NUP93: variants seen among roughly 807,000 people sequenced by gnomAD.
The protein encoded by NUP93 is nucleoporin 93.
In NUP93, 55 loss-of-function variants were observed where a neutral mutation model predicts 107.8. The ratio of observed to expected loss-of-function variants is 0.51; its 90% CI spans 0.41 to 0.64. The LOEUF is 0.64. Ranked by LOEUF, NUP93 falls within the 30% of genes least tolerant of loss-of-function variation. The pLI is 0.00. For missense variants in NUP93, 937 were observed against 1,044.7 expected, an observed-to-expected ratio of 0.90 and a Z score of 1.42; for synonymous variants, 390 against 397.5, an observed-to-expected ratio of 0.98 and a Z score of 0.22.
chr16:56,818,837 C>T (rs1963488010), intron 6 of NUP93, 99 bp downstream of exon 6: 1 of 977,386 alleles, frequency 1.0e-6, no homozygotes, highest in South Asian at 1.5e-5. Flanking sequence ...ACCCTGAAAG[C>T]AAGTTGTATT....
At chr16:56,815,865 A>ACTGCTGCTGCTGCTGCTGCTGCTGCTG (rs59958027) in intron 5 of NUP93, among the ~76,000 whole-genome samples, 3 of 146,968 alleles carry the variant, frequency 2.0e-5, no homozygotes, top group African/African-American at 7.6e-5. Context: ...TACTACTGCT[A>ACTGCTGCTGCTGCTGCTGCTGCTGCTG]CTGCTGCTGC....
chr16:56,765,846 A>T (rs576981753), intron 3 of NUP93, among the ~76,000 whole-genome samples: 2 of 152,370 alleles, frequency 1.3e-5, no homozygotes, highest in South Asian at 4.1e-4. Context: ...AGGTAGCCTA[A>T]TGCTGATCAC....
At chr16:56,744,265 C>T (rs1415649252) in intron 1 of NUP93, among the ~76,000 whole-genome samples, 6 of 152,148 alleles carry the variant, frequency 3.9e-5, no homozygotes, top group East Asian at 1.9e-4. Flanking sequence ...CAAAGCTTAC[C>T]GAGGTTATTT....
chr16:56,834,510 T>G, intron 15 of NUP93, 68 bp downstream of exon 15: 1 of 1,523,060 alleles, frequency 6.6e-7, no homozygotes, highest in Non-Finnish European at 9.1e-7. Context: ...CATTCCGTAT[T>G]GCGTGTTTAC....
intron 3 of NUP93, among the ~76,000 whole-genome samples, chr16:56,791,849 A>T (rs1962770479): frequency 6.6e-6 from 1 of 152,242 alleles, no homozygotes; most frequent in Admixed American, 6.5e-5. Context: ...TTATTGTTCT[A>T]CAACAATAAT....
chr16:56,830,663 TACATGAACAGC>T lies in NUP93; in HGVS notation c.1065_1075del (p.Tyr355Ter). ...AGAGTTTAAAACCTGGTTCCAGGAG[TACATGAACAGC>T]AAGGACAGAAGGTATGGTGAATGAG... On this transcript the variant is annotated frameshift_variant, in exon 10 of 22. Coordinates refer to ENST00000308159, the MANE Select transcript of NUP93 (RefSeq NM_014669.5). LOFTEE classifies it high-confidence loss of function. 6.3e-7 allele frequency: 1 copy of T among 1,591,788 alleles called. No individual in the cohort carries two copies. Among genetic ancestry groups the T allele is most frequent in the African/African-American group, 1.3e-5 (1 of 74,516 alleles).
At chr16:56,753,317 A>G (rs1048883089) in intron 2 of NUP93, among the ~76,000 whole-genome samples, 20 of 152,366 alleles carry the variant, frequency 1.3e-4, no homozygotes, top group Non-Finnish European at 2.1e-4. Context: ...GATGAAAAGT[A>G]TATAGTAATC....
chr16:56,746,762 C>T (rs1049124947), intron 1 of NUP93, among the ~76,000 whole-genome samples: 3 of 152,126 alleles, frequency 2.0e-5, no homozygotes, highest in Non-Finnish European at 4.4e-5. Context: ...AGTGTCACCC[C>T]GGCTGGGTGT....
At chr16:56,762,794 T>G (rs1962149108) in intron 3 of NUP93, among the ~76,000 whole-genome samples, 1 of 152,052 alleles carries the variant, frequency 6.6e-6, no homozygotes, top group African/African-American at 2.4e-5. Flanking sequence ...TAGGGGAGAC[T>G]CCTTCCTCTT....
chr16:56,789,302 C>A (rs943257329), intron 3 of NUP93, among the ~76,000 whole-genome samples: 17 of 152,252 alleles, frequency 1.1e-4, no homozygotes, highest in African/African-American at 4.1e-4. Context: ...ACATTCAATT[C>A]TCTTTAACCT....
chr16:56,801,213 C>T (rs1482623120), intron 4 of NUP93, among the ~76,000 whole-genome samples: 2 of 152,180 alleles, frequency 1.3e-5, no homozygotes, highest in African/African-American at 4.8e-5. Flanking sequence ...GATTCCCTCT[C>T]ATTAGTTCCT....
chr16:56,843,136 G>T (rs1408521990), intron 21 of NUP93, among the ~76,000 whole-genome samples: 1 of 152,222 alleles, frequency 6.6e-6, no homozygotes, highest in Non-Finnish European at 1.5e-5. Context: ...GCCCATCCAG[G>T]TGTGCACCAG....
intron 8 of NUP93, among the ~76,000 whole-genome samples, chr16:56,826,971 G>A (rs948003640): frequency 3.6e-4 from 53 of 146,278 alleles, no homozygotes; most frequent in African/African-American, 1.1e-3. Context: ...GCTTGAACCC[G>A]GTGGGCAGAG....
chr16:56,763,811 G>A (rs1489403393), intron 3 of NUP93, among the ~76,000 whole-genome samples: 6 of 151,740 alleles, frequency 4.0e-5, no homozygotes, highest in Non-Finnish European at 7.4e-5. Flanking sequence ...TGACTTAGCC[G>A]CCAATTCTAA....
At chr16:56,737,570 A>G (rs1354162625) in intron 1 of NUP93, among the ~76,000 whole-genome samples, 1 of 151,764 alleles carries the variant, frequency 6.6e-6, no homozygotes, top group Non-Finnish European at 1.5e-5. Context: ...CTTTAGTCCC[A>G]TAGATTCATT....
At chr16:56,755,137 T>C (rs1201120816) in intron 2 of NUP93, among the ~76,000 whole-genome samples, 1 of 152,218 alleles carries the variant, frequency 6.6e-6, no homozygotes, top group East Asian at 1.9e-4. Flanking sequence ...CATAGGTATA[T>C]ACCTAAGAGA....
chr16:56,795,178 A>G (rs1962869412), intron 3 of NUP93, among the ~76,000 whole-genome samples: 1 of 152,060 alleles, frequency 6.6e-6, no homozygotes, highest in South Asian at 2.1e-4. Flanking sequence ...GGCAGCCACA[A>G]AAAGGTGCCA....
At chr16:56,790,146 A>C (rs1962726873) in intron 3 of NUP93, among the ~76,000 whole-genome samples, 1 of 152,146 alleles carries the variant, frequency 6.6e-6, no homozygotes, top group Non-Finnish European at 1.5e-5. Flanking sequence ...AAGCAGTGGT[A>C]CTTTAAATAT....
At chr16:56,766,833 G>C (rs1962224487) in intron 3 of NUP93, among the ~76,000 whole-genome samples, 1 of 148,102 alleles carries the variant, frequency 6.8e-6, no homozygotes, top group Admixed American at 6.7e-5. Flanking sequence ...ATTACATAGA[G>C]GGGAGACCCT....
Sources: gnomAD v4.1 joint callset for allele counts (sites outside exome capture counted in the v4.1 genomes callset) on GRCh38, gnomAD v4.1.1 for gene constraint, MANE v1.5 for transcripts, NCBI Gene and HGNC (gene_info 2026-07-23, HGNC 2026-07-21) for gene names.